Variants in RP1 observed in about 807,000 individuals in gnomAD.
RP1 encodes the protein RP1 axonemal microtubule associated.
RP1 carries 16 observed loss-of-function variants against 14.8 expected under a neutral mutation model. The observed-to-expected ratio is 1.08, with a 90% CI of 0.73 to 1.65. The LOEUF (loss-of-function observed/expected upper bound fraction) is 1.65. Among genes scored for constraint, RP1 ranks in the 40% most tolerant of loss-of-function variants. RP1 has a pLI of 0.00. For synonymous variants in RP1, 876 were observed against 883.6 expected (o/e 0.99, Z 0.15); for missense variants, 2,631 against 2,535.0 (o/e 1.04, Z -0.81).
intron 8 of RP1, among the ~76,000 whole-genome samples, chr8:54,675,696 A>G (rs1242392067): frequency 6.6e-6 from 1 of 152,166 alleles, no homozygotes; most frequent in East Asian, 1.9e-4. Context: ...CCTCTTCATG[A>G]CTTTGGGCCA....
chr8:54,573,942 C>G (rs1804587025), intron 1 of RP1, among the ~76,000 whole-genome samples: 2 of 152,152 alleles, frequency 1.3e-5, no homozygotes, highest in Admixed American at 1.3e-4. Context: ...TGACTCAAGT[C>G]CTGAGCTTTC....
chr8:54,755,050 G>T, intron 20 of RP1: 1 of 1,157,512 alleles, frequency 8.6e-7, no homozygotes, highest in Non-Finnish European at 1.1e-6. Context: ...TAAGAGAGTT[G>T]TTTTACTCTT....
At chr8:54,759,961 A>G (rs1809599559) in intron 22 of RP1, among the ~76,000 whole-genome samples, 2 of 152,212 alleles carry the variant, frequency 1.3e-5, no homozygotes, top group Non-Finnish European at 2.9e-5. Context: ...ATGAGATAAC[A>G]AAGTACAGGC....
At chr8:54,602,348 C>T (rs1402312959) in intron 1 of RP1, among the ~76,000 whole-genome samples, 1 of 152,154 alleles carries the variant, frequency 6.6e-6, no homozygotes, top group Admixed American at 6.5e-5. Flanking sequence ...CATCCACGTC[C>T]CTACAAAGGA....
At chr8:54,847,741 T>C (rs1811961102) in intron 25 of RP1, among the ~76,000 whole-genome samples, 1 of 152,260 alleles carries the variant, frequency 6.6e-6, no homozygotes, top group African/African-American at 2.4e-5. Flanking sequence ...TAAGCTGTCA[T>C]GGTTCTTCAC....
chr8:54,643,211 T>C (rs1806483712), intron 3 of RP1, among the ~76,000 whole-genome samples: 1 of 152,170 alleles, frequency 6.6e-6, no homozygotes, highest in African/African-American at 2.4e-5. Flanking sequence ...ATCAACTTAT[T>C]GAGGTATAAT....
chr8:54,731,082 C>A (rs976866238), intron 17 of RP1, among the ~76,000 whole-genome samples: 2 of 152,136 alleles, frequency 1.3e-5, no homozygotes, highest in Non-Finnish European at 2.9e-5. Flanking sequence ...TATGGCCACA[C>A]TCTGATGGTA....
chr8:54,754,663 T>C, intron 19 of RP1: 1 of 801,664 alleles, frequency 1.2e-6, no homozygotes, highest in Middle Eastern at 3.2e-4. Flanking sequence ...CTACGACTAC[T>C]ACTACTAACA....
chr8:54,652,806 C>G, exon 5 of RP1: 1 of 1,535,866 alleles, frequency 6.5e-7, no homozygotes, highest in Non-Finnish European at 8.7e-7. Flanking sequence ...TTGGAGCACT[C>G]TTTAAGATTC....
downstream of RP1, among the ~76,000 whole-genome samples, chr8:54,773,159 T>A (rs891952540): frequency 7.2e-5 from 11 of 152,162 alleles, no homozygotes; most frequent in African/African-American, 2.4e-4. Context: ...ACACCTGCAG[T>A]CCTCACCTTC....
intron 1 of RP1, among the ~76,000 whole-genome samples, chr8:54,604,986 C>A (rs933158692): frequency 1.3e-5 from 2 of 152,096 alleles, no homozygotes; most frequent in African/African-American, 4.8e-5. Context: ...TTTCAAAAAA[C>A]CAGCTCCTGG....
chr8:54,599,803 G>A (rs1186943770), intron 1 of RP1, among the ~76,000 whole-genome samples: 1 of 152,166 alleles, frequency 6.6e-6, no homozygotes, highest in African/African-American at 2.4e-5. Flanking sequence ...TTGGTATGAT[G>A]AGTGCTTTTT....
At chr8:54,725,912 A>T (rs139803134) in intron 16 of RP1, among the ~76,000 whole-genome samples, 200 of 152,296 alleles carry the variant, frequency 1.3e-3, no homozygotes, top group African/African-American at 4.6e-3. Context: ...AATGTTTTCC[A>T]TTACTTATAG....
intron 1 of RP1, among the ~76,000 whole-genome samples, chr8:54,601,126 A>T (rs1805272885): frequency 6.6e-6 from 1 of 152,190 alleles, no homozygotes; most frequent in African/African-American, 2.4e-5. Context: ...AGGAGTATTG[A>T]CTTACATGAC....
intron 24 of RP1, among the ~76,000 whole-genome samples, chr8:54,818,432 T>G (rs1031451513): frequency 2.0e-5 from 3 of 152,202 alleles, no homozygotes; most frequent in African/African-American, 7.2e-5. Context: ...CCTATCAGAT[T>G]TATTTAGCTT....
intron 12 of RP1, among the ~76,000 whole-genome samples, chr8:54,682,169 A>G (rs975892106): frequency 6.6e-6 from 1 of 152,050 alleles, no homozygotes; most frequent in African/African-American, 2.4e-5. Context: ...AACAGTGTAA[A>G]AGCATGCCTT....
chr8:54,770,140 C>T (rs1272536671), downstream of RP1: 1 of 403,974 alleles, frequency 2.5e-6, no homozygotes, highest in Non-Finnish European at 4.4e-6. Flanking sequence ...AATAAATCAT[C>T]AACCTAAAAT....
chr8:54,648,727 A>G (rs944750266), intron 3 of RP1, among the ~76,000 whole-genome samples: 1 of 152,150 alleles, frequency 6.6e-6, no homozygotes, highest in Non-Finnish European at 1.5e-5. Context: ...ACCAACAATA[A>G]TATAGTAATG....
intron 1 of RP1, among the ~76,000 whole-genome samples, chr8:54,597,050 C>A (rs1805165478): frequency 6.6e-6 from 1 of 152,160 alleles, no homozygotes; most frequent in Admixed American, 6.5e-5. Flanking sequence ...CATTTCCCTG[C>A]TCAAAAACCT....
Sources: gnomAD v4.1 joint callset for allele counts (sites outside exome capture counted in the v4.1 genomes callset) on GRCh38, gnomAD v4.1.1 for gene constraint, MANE v1.5 for transcripts, NCBI Gene and HGNC (gene_info 2026-07-23, HGNC 2026-07-21) for gene names.